ARSG: variants seen among roughly 807,000 people sequenced by gnomAD.
The protein encoded by ARSG is ASG.
ARSG carries 37 observed loss-of-function variants against 50.5 expected under a neutral mutation model. That is an observed-to-expected ratio of 0.73 (90% confidence interval 0.56 to 0.96). The LOEUF (loss-of-function observed/expected upper bound fraction) is 0.96. Ranked by LOEUF, ARSG falls within the 50% of genes least tolerant of loss-of-function variation. ARSG has a pLI of 0.00. For missense variants in ARSG, 629 were observed against 675.3 expected (o/e 0.93, Z 0.76); for synonymous variants, 225 against 254.6 (o/e 0.88, Z 1.11).
chr17:68,428,809 T>C, the ARSG span: 1 of 1,590,792 alleles, frequency 6.3e-7, no homozygotes, highest in African/African-American at 1.3e-5. Flanking sequence ...AGGCTGTCTT[T>C]TGAAAAGCAG....
intron 11 of ARSG, among the ~76,000 whole-genome samples, chr17:68,412,959 T>C (rs1021098620): frequency 2.6e-5 from 4 of 152,084 alleles, no homozygotes; most frequent in African/African-American, 9.7e-5. Flanking sequence ...CAAGCCTTGG[T>C]TTTCAGCTCC....
chr17:68,405,287 G>GACA (rs1449977534), intron 11 of ARSG, among the ~76,000 whole-genome samples: 3 of 152,014 alleles, frequency 2.0e-5, no homozygotes, highest in Non-Finnish European at 2.9e-5. Context: ...GGGTAGTATT[G>GACA]ACATTTTAAC....
rs774444368 is a variant in ARSG at position 68,368,538 on chromosome 17, C to T, written c.705-10C>T. The T allele has an allele frequency of 2.8e-5, 45 of 1,612,582 alleles. No individual in the cohort carries two copies. The highest frequency in any genetic ancestry group is 3.6e-5 in the Non-Finnish European group (42 of 1,179,728). ...TTCTGCAGAGTCACCTCTTGGTTCT[C>T]CTGTTTCAGCACCAGCGGGAGGCCC... is the stretch of plus-strand genomic sequence containing the variant. On this transcript the variant is annotated splice_polypyrimidine_tract_variant and intron_variant, in intron 6 of 11. Coordinates refer to ENST00000621439, the MANE Select transcript of ARSG (RefSeq NM_001267727.2).
the ARSG span, among the ~76,000 whole-genome samples, chr17:68,439,582 G>A: frequency 2.0e-5 from 3 of 152,164 alleles, no homozygotes; most frequent in South Asian, 4.1e-4. Flanking sequence ...TATACCAAAA[G>A]CTATTGAACC....
chr17:68,278,548 C>T (rs181330336), intron 1 of ARSG, among the ~76,000 whole-genome samples: 3 of 152,070 alleles, frequency 2.0e-5, no homozygotes, highest in African/African-American at 4.8e-5. Flanking sequence ...AATTCTCCTA[C>T]GTCAGCCTCC....
Position 68,404,719 on chromosome 17 carries a change from T to C in ARSG, c.1303+3269T>C, listed in dbSNP as rs78042936. Among the ~76,000 whole-genome samples, 1,364 of 152,340 alleles carry C rather than the reference T, an allele frequency of 9.0e-3. 23 individuals are homozygous for C. Among genetic ancestry groups the C allele is most frequent in the African/African-American group, 0.032 (1,310 of 41,580 alleles). On this transcript the variant is annotated intron_variant, in intron 11 of 11. Coordinates refer to ENST00000621439, the MANE Select transcript of ARSG (RefSeq NM_001267727.2). ...AGGGTTTGTGGAAGATCAGTATTAT[T>C]TCTTTCATGTTTGATTGAATTCATC...
chr17:68,366,397 AC>A (rs2079549511), intron 6 of ARSG, among the ~76,000 whole-genome samples: 1 of 151,796 alleles, frequency 6.6e-6, no homozygotes, highest in Non-Finnish European at 1.5e-5. Flanking sequence ...AAAAAAAGCC[AC>A]CCCCACTGGC....
chr17:68,341,376 A>G (rs1836290557), intron 2 of ARSG, among the ~76,000 whole-genome samples: 1 of 152,218 alleles, frequency 6.6e-6, no homozygotes, highest in Non-Finnish European at 1.5e-5. Context: ...GTCCAGAGAT[A>G]CTTGCTTTCC....
At chr17:68,450,625 A>G in the ARSG span, 2 of 1,428,854 alleles carry the variant, frequency 1.4e-6, no homozygotes, top group East Asian at 2.3e-5. Context: ...TCTCATTAGA[A>G]TTGGAAGCTT....
chr17:68,316,287 C>T (rs1441327586), intron 2 of ARSG, among the ~76,000 whole-genome samples: 1 of 152,176 alleles, frequency 6.6e-6, no homozygotes, highest in Non-Finnish European at 1.5e-5. Flanking sequence ...CCTTCCTACC[C>T]CATGCACATC....
chr17:68,401,816 G>A (rs919844940), intron 11 of ARSG, among the ~76,000 whole-genome samples: 8 of 152,186 alleles, frequency 5.3e-5, no homozygotes, highest in African/African-American at 1.9e-4. Flanking sequence ...ACAATAGACC[G>A]TTTCAGAAAA....
intron 9 of ARSG, among the ~76,000 whole-genome samples, chr17:68,387,909 G>A (rs1360120998): frequency 1.3e-5 from 2 of 152,084 alleles, no homozygotes; most frequent in African/African-American, 4.8e-5. Flanking sequence ...GGGGGCGGGG[G>A]ATCCATTCAC....
chr17:68,307,275 T>A lies in ARSG; in HGVS notation c.-219T>A. The A allele has an allele frequency of 1.9e-6, 1 of 533,678 alleles. No homozygotes were observed. The highest frequency in any genetic ancestry group is 3.3e-6 in the Non-Finnish European group (1 of 302,468). 33.1% of individuals were successfully genotyped at this position (533,678 alleles called of 1,614,324 possible). On this transcript the variant is annotated 5_prime_UTR_variant, in exon 2 of 12. Coordinates refer to ENST00000621439, the MANE Select transcript of ARSG (RefSeq NM_001267727.2). ...GGGATTGCAAATTTCCTGATTCTTT[T>A]GAATTAGGATTCCAGATGGGGGCCT...
chr17:68,325,803 A>G (rs1290832832), intron 2 of ARSG, among the ~76,000 whole-genome samples: 15 of 152,172 alleles, frequency 9.9e-5, no homozygotes, highest in Admixed American at 9.8e-4. Context: ...AGGGGGAGAA[A>G]AGAGCTATTT....
intron 6 of ARSG, chr17:68,359,632 C>T (rs1261613396): frequency 6.6e-6 from 1 of 152,324 alleles, no homozygotes; most frequent in Non-Finnish European, 1.5e-5. Flanking sequence ...TAAGTGATCA[C>T]AGCAGCCCCT....
intron 1 of ARSG, among the ~76,000 whole-genome samples, chr17:68,293,914 T>C (rs919917887): frequency 3.9e-5 from 6 of 152,178 alleles, no homozygotes; most frequent in Non-Finnish European, 8.8e-5. Context: ...GGCTTCACCT[T>C]GTTCCCTCAA....
At chr17:68,394,542 G>A (rs1047005607) in intron 9 of ARSG, among the ~76,000 whole-genome samples, 18 of 152,076 alleles carry the variant, frequency 1.2e-4, no homozygotes, top group Non-Finnish European at 1.9e-4. Flanking sequence ...GGAGTCAGAC[G>A]AGTATTACTT....
intron 11 of ARSG, among the ~76,000 whole-genome samples, chr17:68,412,483 A>G (rs1293515010): frequency 2.0e-5 from 3 of 152,020 alleles, no homozygotes; most frequent in Admixed American, 6.6e-5. Context: ...TTTCTGCCGA[A>G]AGATCCACTG....
chr17:68,295,224 G>C (rs1220685177), intron 1 of ARSG, among the ~76,000 whole-genome samples: 1 of 152,098 alleles, frequency 6.6e-6, no homozygotes, highest in Non-Finnish European at 1.5e-5. Context: ...ATGAGAAGAA[G>C]GTAGGAGGTA....
Sources: gnomAD v4.1 joint callset for allele counts (sites outside exome capture counted in the v4.1 genomes callset) on GRCh38, gnomAD v4.1.1 for gene constraint, MANE v1.5 for transcripts, NCBI Gene and HGNC (gene_info 2026-07-23, HGNC 2026-07-21) for gene names.